PAK3: variants seen among roughly 807,000 people sequenced by gnomAD.
The protein encoded by PAK3 is serine/threonine-protein kinase PAK 3.
In PAK3, 4 loss-of-function variants were observed where a neutral mutation model predicts 41.0. That is an observed-to-expected ratio of 0.10 (90% CI 0.05 to 0.22). PAK3 has a LOEUF of 0.22. Ranked by LOEUF, PAK3 falls within the 10% of genes least tolerant of loss-of-function variation. The probability of loss-of-function intolerance (pLI) is 1.00; values close to 1 mark genes in which losing one functional copy is unlikely to be tolerated. For synonymous variants in PAK3, 146 were observed against 139.6 expected, an observed-to-expected ratio of 1.05 and a Z score of -0.32; for missense variants, 205 against 409.9, an observed-to-expected ratio of 0.50 and a Z score of 4.32.
intron 4 of PAK3, among the ~76,000 whole-genome samples, chrX:111,112,434 C>T (rs1364000073): frequency 1.7e-4 from 19 of 110,129 alleles, no homozygotes; most frequent in African/African-American, 6.3e-4. Flanking sequence ...TCATGGCTGA[C>T]ATCCATTATA....
intron 1 of PAK3, among the ~76,000 whole-genome samples, chrX:111,014,636 C>T (rs1569505980): frequency 1.8e-5 from 2 of 111,452 alleles, no homozygotes; most frequent in East Asian, 2.8e-4. Context: ...TTGCTTCAGC[C>T]GTTCGTTCTG....
chrX:111,218,111 CTAT>C (rs1331312075), intron 17 of PAK3, among the ~76,000 whole-genome samples: 4 of 111,986 alleles, frequency 3.6e-5, no homozygotes, highest in Non-Finnish European at 7.5e-5. Context: ...TGACTCTAGC[CTAT>C]TATTGCCATT....
At chrX:110,985,026 G>C (rs1406334636) in intron 1 of PAK3, among the ~76,000 whole-genome samples, 1 of 111,686 alleles carries the variant, frequency 9.0e-6, no homozygotes, top group Non-Finnish European at 1.9e-5. Context: ...CTACTCAGGA[G>C]GCTGAGGTGA....
chrX:111,004,294 T>G (rs1312039150), intron 1 of PAK3, among the ~76,000 whole-genome samples: 1 of 111,376 alleles, frequency 9.0e-6, no homozygotes, highest in Non-Finnish European at 1.9e-5. Flanking sequence ...TAGAGAGAGT[T>G]AAGAAGCCAC....
intron 16 of PAK3, among the ~76,000 whole-genome samples, chrX:111,211,169 C>T (rs1352263154): frequency 9.1e-6 from 1 of 109,690 alleles, no homozygotes; most frequent in East Asian, 2.9e-4. Context: ...TGTGGCGGGG[C>T]GGGAGAGGAG....
At chrX:110,974,700 G>A (rs911601352) in intron 1 of PAK3, among the ~76,000 whole-genome samples, 17 of 111,609 alleles carry the variant, frequency 1.5e-4, no homozygotes, top group African/African-American at 3.3e-4. Flanking sequence ...TCATTAGTGC[G>A]AAAATCCTCA....
chrX:110,963,411 TC>T (rs1007929931), intron 1 of PAK3, among the ~76,000 whole-genome samples: 5 of 111,840 alleles, frequency 4.5e-5, no homozygotes, highest in Non-Finnish European at 9.4e-5. Flanking sequence ...TGTAGGCTTT[TC>T]ATCTGCATCC....
rs779813342 is a variant in PAK3 at position 111,026,450 on chromosome X, G to A, written c.-28+81822G>A. 1.3e-4 allele frequency among the ~76,000 whole-genome samples: 14 copies of A among 111,353 alleles called. No homozygotes were observed. The East Asian group carries it at 2.8e-3, about 22-fold the overall frequency. On this transcript the variant is annotated intron_variant, in intron 1 of 14. Transcript: ENST00000425146. ...GCTCCTAGAACTGGGAAATGAATTC[G>A]GCAAAGTTTTAGGATACAAAATTAA...
intron 16 of PAK3, among the ~76,000 whole-genome samples, chrX:111,197,628 A>G (rs1325115782): frequency 8.9e-6 from 1 of 111,913 alleles, no homozygotes. Context: ...GAACTAATTT[A>G]CATTCCCTCC....
intron 11 of PAK3, among the ~76,000 whole-genome samples, chrX:111,189,349 T>C (rs756690317): frequency 6.2e-4 from 70 of 112,074 alleles, no homozygotes; most frequent in African/African-American, 2.0e-3. Flanking sequence ...GTTTTTTCCA[T>C]GTCTTTGCTA....
At chrX:111,129,507 C>T (rs1488871697) in intron 5 of PAK3, among the ~76,000 whole-genome samples, 2 of 111,102 alleles carry the variant, frequency 1.8e-5, no homozygotes, top group African/African-American at 6.6e-5. Context: ...ATAGAAGAGT[C>T]TCTTGTACTA....
chrX:111,054,753 G>A (rs1184172695), intron 1 of PAK3, among the ~76,000 whole-genome samples: 1 of 111,014 alleles, frequency 9.0e-6, no homozygotes, highest in Non-Finnish European at 1.9e-5. Flanking sequence ...ATCTATTGAC[G>A]AAGAGCCATT....
intron 16 of PAK3, among the ~76,000 whole-genome samples, chrX:111,199,236 G>C (rs1257756906): frequency 1.8e-5 from 2 of 111,545 alleles, no homozygotes; most frequent in Non-Finnish European, 3.8e-5. Context: ...CAGAGACTAT[G>C]GGTTTTCTAG....
chrX:111,055,748 A>C (rs750481305), intron 1 of PAK3, among the ~76,000 whole-genome samples: 1 of 111,739 alleles, frequency 8.9e-6, no homozygotes. Context: ...TCATGGCCTG[A>C]AACAAACCCT....
At chrX:111,010,969 C>T (rs2092003272) in intron 1 of PAK3, among the ~76,000 whole-genome samples, 1 of 111,938 alleles carries the variant, frequency 8.9e-6, no homozygotes, top group African/African-American at 3.2e-5. Flanking sequence ...TATAAGATGT[C>T]TTCTGCCTGT....
At chrX:111,023,996 A>C (rs1432867845) in intron 1 of PAK3, among the ~76,000 whole-genome samples, 1 of 111,205 alleles carries the variant, frequency 9.0e-6, no homozygotes, top group African/African-American at 3.3e-5. Flanking sequence ...GGTATTGCCT[A>C]GGTTTTCTTC....
intron 17 of PAK3, among the ~76,000 whole-genome samples, chrX:111,218,238 C>G (rs1271079843): frequency 8.9e-6 from 1 of 111,898 alleles, no homozygotes; most frequent in Non-Finnish European, 1.9e-5. Flanking sequence ...ACAGTTCTGT[C>G]CATCAATTGA....
intron 1 of PAK3, among the ~76,000 whole-genome samples, chrX:110,947,525 C>A (rs1300437299): frequency 9.0e-6 from 1 of 111,660 alleles, no homozygotes; most frequent in Non-Finnish European, 1.9e-5. Context: ...CACCTCTCCC[C>A]ATCCACACAC....
At chrX:110,961,981 G>A (rs1336979101) in intron 1 of PAK3, among the ~76,000 whole-genome samples, 4 of 112,158 alleles carry the variant, frequency 3.6e-5, no homozygotes, top group African/African-American at 1.3e-4. Context: ...AGCTTCTTGA[G>A]TTCTTCTTCC....
Sources: gnomAD v4.1 joint callset for allele counts (sites outside exome capture counted in the v4.1 genomes callset) on GRCh38, gnomAD v4.1.1 for gene constraint, MANE v1.5 for transcripts, NCBI Gene and HGNC (gene_info 2026-07-23, HGNC 2026-07-21) for gene names.